Variants in KAZN observed in about 807,000 individuals in gnomAD.
KAZN encodes kazrin, periplakin interacting protein.
In KAZN, 40 loss-of-function variants were observed where a neutral mutation model predicts 87.4. The ratio of observed to expected loss-of-function variants is 0.46; its 90% CI spans 0.36 to 0.60. The LOEUF is 0.60. Ranked by LOEUF, KAZN falls within the 20% of genes least tolerant of loss-of-function variation. KAZN has a pLI of 0.00. For synonymous variants in KAZN, 466 were observed against 458.3 expected, an observed-to-expected ratio of 1.02 and a Z score of -0.22; for missense variants, 898 against 1,073.9, an observed-to-expected ratio of 0.84 and a Z score of 2.29.
At chr1:14,384,433 T>C (rs1336598541) in intron 2 of KAZN, among the ~76,000 whole-genome samples, 2 of 152,078 alleles carry the variant, frequency 1.3e-5, no homozygotes, top group Admixed American at 1.3e-4. Flanking sequence ...GCCCATTCAG[T>C]ATGATATTGG....
chr1:14,272,996 C>T (rs1652070005), intron 2 of KAZN, among the ~76,000 whole-genome samples: 1 of 152,128 alleles, frequency 6.6e-6, no homozygotes, highest in Admixed American at 6.6e-5. Flanking sequence ...TTTCATTTCA[C>T]AAGTAGAGAA....
At chr1:14,598,543 C>T (rs1164857775), upstream of KAZN, among the ~76,000 whole-genome samples, 2 of 152,202 alleles carry the variant, frequency 1.3e-5, no homozygotes, top group South Asian at 2.1e-4. The surrounding 1 kb of genome is among the most constrained non-coding windows in gnomAD (Gnocchi z 4.2). Flanking sequence ...CGTCCGCCGC[C>T]TCCGCCCCCC....
intron 1 of KAZN, among the ~76,000 whole-genome samples, chr1:14,914,079 G>A (rs2801180): frequency 6.6e-6 from 1 of 152,196 alleles, no homozygotes; most frequent in Non-Finnish European, 1.5e-5. Context: ...GTGGCCCTCA[G>A]CTGTCACAGC....
rs547523770 is a variant in KAZN, at chr1:15,011,588, AT to A, written c.419-23159del. ...ATGGCCTGTGTTACCTACTTATTGCATTGATTACTGCTAAAGACTTGAAGTG... is the reference window on the plus strand; with the variant it reads ...ATGGCCTGTGTTACCTACTTATTGCATGATTACTGCTAAAGACTTGAAGTG... On this transcript the variant is annotated intron_variant, in intron 2 of 14. Coordinates refer to ENST00000376030, the MANE Select transcript of KAZN (RefSeq NM_201628.3). 5.1e-3 allele frequency among the ~76,000 whole-genome samples: 783 copies of A among 152,212 alleles called. 9 individuals carry two copies. Among genetic ancestry groups the A allele is most frequent in the African/African-American group, 0.018 (745 of 41,518 alleles).
chr1:15,004,105 G>A (rs1398224425), intron 2 of KAZN, among the ~76,000 whole-genome samples: 2 of 152,196 alleles, frequency 1.3e-5, no homozygotes, highest in African/African-American at 2.4e-5. Flanking sequence ...CTGGAGCCTC[G>A]TGCACTATCA....
rs145947221 is a variant in KAZN, at chr1:14,735,172, G to A, written c.226+135949G>A. Among the ~76,000 whole-genome samples, 2,640 of 152,252 alleles carry A rather than the reference G, an allele frequency of 0.017. 51 individuals carry two copies. Among genetic ancestry groups the A allele is most frequent in the Non-Finnish European group, 0.026 (1,744 of 68,016 alleles). On this transcript the variant is annotated intron_variant, in intron 1 of 14. Coordinates refer to ENST00000376030, the MANE Select transcript of KAZN (RefSeq NM_201628.3). The surrounding 1 kb of genome is among the most constrained non-coding windows in gnomAD (Gnocchi z 4.3). The stretch of plus-strand genomic sequence containing the variant: ...CCTCCCGGGTTCACTCCATTCTCCT[G>A]CCTCAGCCTCAGGAGCAGCTGGGAC...
chr1:14,200,768 A>G (rs1646622491), intron 2 of KAZN, among the ~76,000 whole-genome samples: 1 of 152,014 alleles, frequency 6.6e-6, no homozygotes, highest in African/African-American at 2.4e-5. Context: ...TGCACAGCCT[A>G]TTGAGATAAC....
intron 1 of KAZN, among the ~76,000 whole-genome samples, chr1:14,906,667 A>C (rs541223802): frequency 6.6e-6 from 1 of 151,766 alleles, no homozygotes; most frequent in African/African-American, 2.4e-5. Context: ...TAAGCAAGTT[A>C]GTTTCAGGAT....
chr1:15,073,608 C>G (rs188268554), intron 8 of KAZN, among the ~76,000 whole-genome samples: 1 of 152,192 alleles, frequency 6.6e-6, no homozygotes, highest in African/African-American at 2.4e-5. Flanking sequence ...ATCTGACGCC[C>G]CAGGCCAGCC....
intron 2 of KAZN, among the ~76,000 whole-genome samples, chr1:15,003,847 C>T (rs1264618066): frequency 6.6e-6 from 1 of 152,146 alleles, no homozygotes; most frequent in African/African-American, 2.4e-5. Context: ...TAGGTGGAGA[C>T]CTGGGTTCAG....
At position 14,650,517 on chromosome 1, in the gene KAZN, G is replaced by T. The variant is rs184773307; in HGVS notation, c.226+51294G>T. ...TCGTGCCACTGCACTCCACACTCCAGCCTGGGGGATAGAGTGAAACCCTGT... is the reference window on the plus strand; with the variant it reads ...TCGTGCCACTGCACTCCACACTCCATCCTGGGGGATAGAGTGAAACCCTGT... On this transcript the variant is annotated intron_variant, in intron 1 of 14. Coordinates refer to ENST00000376030, the MANE Select transcript of KAZN (RefSeq NM_201628.3). 4.0e-3 allele frequency among the ~76,000 whole-genome samples: 605 copies of T among 152,300 alleles called. 2 individuals carry two copies. Among genetic ancestry groups the T allele is most frequent in the Admixed American group, 8.2e-3 (125 of 15,302 alleles).
chr1:14,353,277 T>A (rs936821229), intron 2 of KAZN, among the ~76,000 whole-genome samples: 1 of 148,782 alleles, frequency 6.7e-6, no homozygotes, highest in Non-Finnish European at 1.5e-5. Flanking sequence ...CAGGCTGGAG[T>A]GCAGTGGCGC....
chr1:14,289,068 C>A (rs1023533395), intron 2 of KAZN, among the ~76,000 whole-genome samples: 1 of 152,128 alleles, frequency 6.6e-6, no homozygotes, highest in African/African-American at 2.4e-5. Flanking sequence ...GATTTCTGTT[C>A]TTTTACATTT....
chr1:15,061,104 A>G (rs1019844138), intron 6 of KAZN: 8 of 152,256 alleles, frequency 5.3e-5, no homozygotes, highest in African/African-American at 1.9e-4. Flanking sequence ...ATGTCACTTT[A>G]TTAACCAGCG....
chr1:14,432,381 C>G (rs906355092), intron 2 of KAZN, among the ~76,000 whole-genome samples: 2 of 152,166 alleles, frequency 1.3e-5, no homozygotes, highest in Non-Finnish European at 2.9e-5. Flanking sequence ...TTAATCACAC[C>G]AGTCTTCCAG....
intron 1 of KAZN, among the ~76,000 whole-genome samples, chr1:14,610,706 C>A (rs1371196713): frequency 6.6e-6 from 1 of 150,856 alleles, no homozygotes. Context: ...GTACTCTATA[C>A]CATCATAATT....
chr1:14,199,682 G>T (rs78937074), intron 2 of KAZN, among the ~76,000 whole-genome samples: 2 of 152,308 alleles, frequency 1.3e-5, no homozygotes, highest in Non-Finnish European at 2.9e-5. Context: ...CATTTTACCA[G>T]CATATCAGGA....
intron 1 of KAZN, among the ~76,000 whole-genome samples, chr1:13,913,930 A>G (rs552779085): frequency 2.6e-4 from 40 of 152,324 alleles, no homozygotes; most frequent in African/African-American, 8.9e-4. Context: ...TCCTTGGACC[A>G]GCATCACCTG....
intron 2 of KAZN, among the ~76,000 whole-genome samples, chr1:14,478,247 A>G (rs1668867901): frequency 9.2e-6 from 1 of 108,548 alleles, no homozygotes; most frequent in African/African-American, 3.6e-5. Flanking sequence ...GAAGGAAGGA[A>G]AAGAAGGAAG....
Sources: allele counts gnomAD v4.1 joint callset (sites outside exome capture counted in the v4.1 genomes callset), GRCh38; gene constraint gnomAD v4.1.1; non-coding constraint Gnocchi (gnomAD v3.1); transcripts MANE v1.5; gene names NCBI Gene and HGNC (gene_info 2026-07-23, HGNC 2026-07-21).